ATP10B: variants seen among roughly 807,000 people sequenced by gnomAD.
ATP10B encodes the protein ATPase phospholipid transporting 10B (putative), also known as phospholipid-transporting ATPase VB.
ATP10B carries 122 observed loss-of-function variants against 141.2 expected under a neutral mutation model. The ratio of observed to expected loss-of-function variants is 0.86; its 90% CI spans 0.75 to 1.00. The LOEUF (loss-of-function observed/expected upper bound fraction) is 1.00. ATP10B is among the 50% of genes least tolerant of loss of function. ATP10B has a pLI of 0.00. For missense variants in ATP10B, 1,876 were observed against 1,825.3 expected, an observed-to-expected ratio of 1.03 and a Z score of -0.51; for synonymous variants, 685 against 692.0, an observed-to-expected ratio of 0.99 and a Z score of 0.16.
chr5:160,785,767 G>A lies in ATP10B; in HGVS notation c.-539C>T. ...CACTGTTGCTTTCATTGAAACAAAT[G>A]TCACCAGTCGGTTCTGATTCTCTTG... On this transcript the variant is annotated 5_prime_UTR_variant, in exon 2 of 26. Transcript: ENST00000327245. 9.9e-7 allele frequency: 1 copy of A among 1,012,576 alleles called. No individual in the cohort carries two copies. The highest frequency in any genetic ancestry group is 1.3e-6 in the Non-Finnish European group (1 of 767,468). The allele number at this position is 1,012,576 out of a possible 1,614,324, so 62.7% of individuals were successfully genotyped here.
At chr5:160,796,709 C>G (rs1055262969) in intron 1 of ATP10B, among the ~76,000 whole-genome samples, 1 of 152,142 alleles carries the variant, frequency 6.6e-6, no homozygotes, top group Non-Finnish European at 1.5e-5. Context: ...ACAACTGATT[C>G]CCTTCCCCTC....
chr5:160,776,066 A>G (rs1051787430), intron 2 of ATP10B, among the ~76,000 whole-genome samples: 8 of 152,198 alleles, frequency 5.3e-5, no homozygotes, highest in African/African-American at 1.9e-4. Flanking sequence ...TGTCAAGAGT[A>G]TTCAGGGACA....
intron 5 of ATP10B, 108 bp downstream of exon 5, chr5:160,687,692 G>A: frequency 1.6e-6 from 2 of 1,265,574 alleles, no homozygotes; most frequent in Non-Finnish European, 2.2e-6. Context: ...TTGAACCCAG[G>A]AGGTGAAGGT....
At chr5:160,596,774 G>A (rs564189360) in intron 22 of ATP10B, among the ~76,000 whole-genome samples, 1 of 152,262 alleles carries the variant, frequency 6.6e-6, no homozygotes, top group South Asian at 2.1e-4. Flanking sequence ...GCCAAATCGT[G>A]AATGAACTCC....
rs560324802 is a variant in ATP10B, at chr5:160,825,473, C to T, written c.-576+26468G>A. Reference sequence around the variant, plus strand: ...TGTGAGACATGCCTTTCACCTTCCACCAACATTGTGAGGCCTCCCCAGCAT... The same window carrying T: ...TGTGAGACATGCCTTTCACCTTCCATCAACATTGTGAGGCCTCCCCAGCAT... On this transcript the variant is annotated intron_variant, in intron 1 of 25. Coordinates refer to ENST00000327245, the MANE Select transcript of ATP10B (RefSeq NM_025153.3). Among the ~76,000 whole-genome samples, 5 of 152,312 alleles carry T rather than the reference C, an allele frequency of 3.3e-5. 1 individual carries two copies. The South Asian group carries it at 8.3e-4, about 25-fold the overall frequency.
chr5:160,882,093 G>T, the ATP10B span, among the ~76,000 whole-genome samples: 1 of 152,148 alleles, frequency 6.6e-6, no homozygotes, highest in East Asian at 1.9e-4. Context: ...CCATTGGAAG[G>T]GGGAGGAGGA....
intron 16 of ATP10B, among the ~76,000 whole-genome samples, chr5:160,617,022 G>A (rs1252994566): frequency 6.6e-6 from 1 of 152,188 alleles, no homozygotes; most frequent in Admixed American, 6.5e-5. Flanking sequence ...TAAAAGTAGT[G>A]AGATTGGGAC....
At chr5:160,880,190 TTATA>T in the ATP10B span, among the ~76,000 whole-genome samples, 4 of 141,410 alleles carry the variant, frequency 2.8e-5, no homozygotes, top group Non-Finnish European at 6.1e-5. Context: ...GTAAATATTT[TTATA>T]TATAGATTAT....
chr5:160,774,779 T>C (rs925785237), intron 2 of ATP10B, among the ~76,000 whole-genome samples: 2 of 152,240 alleles, frequency 1.3e-5, no homozygotes, highest in African/African-American at 4.8e-5. Flanking sequence ...CAGCTGCGTC[T>C]GGCTTTGTCT....
the ATP10B span, among the ~76,000 whole-genome samples, chr5:160,877,234 A>G: frequency 1.3e-5 from 2 of 151,788 alleles, no homozygotes; most frequent in Non-Finnish European, 2.9e-5. Context: ...TTCAATATAC[A>G]CAAATCAATA....
intron 1 of ATP10B, among the ~76,000 whole-genome samples, chr5:160,827,177 C>T (rs1290187779): frequency 6.6e-6 from 1 of 152,160 alleles, no homozygotes. Flanking sequence ...TGTGATGTCA[C>T]CCCCAGAGGC....
chr5:160,717,461 C>T (rs1302212611), intron 2 of ATP10B, among the ~76,000 whole-genome samples: 12 of 152,250 alleles, frequency 7.9e-5, no homozygotes, highest in African/African-American at 1.9e-4. Context: ...GTCTGAATCC[C>T]TGAGAACTGC....
intron 1 of ATP10B, among the ~76,000 whole-genome samples, chr5:160,827,176 A>C (rs1343528610): frequency 6.6e-6 from 1 of 152,108 alleles, no homozygotes; most frequent in African/African-American, 2.4e-5. Flanking sequence ...ATGTGATGTC[A>C]CCCCCAGAGG....
At chr5:160,595,447 C>A (rs1249952537) in intron 22 of ATP10B, among the ~76,000 whole-genome samples, 2 of 151,918 alleles carry the variant, frequency 1.3e-5, no homozygotes, top group Non-Finnish European at 2.9e-5. Context: ...CAGGAAAGAT[C>A]TAAAATTGAC....
chr5:160,774,041 G>A (rs762447805), intron 2 of ATP10B, among the ~76,000 whole-genome samples: 1 of 152,118 alleles, frequency 6.6e-6, no homozygotes, highest in African/African-American at 2.4e-5. Flanking sequence ...ACAGACTCCC[G>A]ATTTAGTGTT....
At chr5:160,805,558 C>T (rs56167867) in intron 1 of ATP10B, among the ~76,000 whole-genome samples, 18,947 of 152,118 alleles carry the variant, frequency 0.12, 1,245 homozygotes, top group African/African-American at 0.14. Context: ...AACTGGGTCA[C>T]GCTCACCTGG....
rs1187994213 is a variant in ATP10B, at chr5:160,755,867, ATATATATAT to A, written c.-331+29683_-331+29691del. On this transcript the variant is annotated intron_variant, in intron 2 of 25. Coordinates refer to ENST00000327245, the MANE Select transcript of ATP10B (RefSeq NM_025153.3). ...TATATATATATATATATATATATAT[ATATATATAT>A]ATTATAATTTTATGGAACCACTGTC... Among the ~76,000 whole-genome samples, 658 of 114,058 alleles carry A rather than the reference ATATATATAT, an allele frequency of 5.8e-3. 21 individuals carry two copies. The highest frequency in any genetic ancestry group is 0.025 in the African/African-American group (602 of 23,730). The allele number at this position is 114,058 out of a possible 152,430, so 74.8% of individuals were successfully genotyped here. A position where few individuals can be genotyped will look rare whatever the true frequency, so the allele number is the denominator to read the frequency against.
chr5:160,694,972 C>T (rs1035329269), intron 3 of ATP10B, among the ~76,000 whole-genome samples: 1 of 152,168 alleles, frequency 6.6e-6, no homozygotes, highest in Non-Finnish European at 1.5e-5. Flanking sequence ...ATATAATCAG[C>T]GTTCCAATGA....
chr5:160,817,663 G>A (rs1773751731), intron 1 of ATP10B, among the ~76,000 whole-genome samples: 1 of 152,078 alleles, frequency 6.6e-6, no homozygotes, highest in African/African-American at 2.4e-5. Flanking sequence ...AAGTTCATAT[G>A]GAACCAAAAA....
Sources: allele counts gnomAD v4.1 joint callset (sites outside exome capture counted in the v4.1 genomes callset), GRCh38; gene constraint gnomAD v4.1.1; transcripts MANE v1.5; gene names NCBI Gene and HGNC (gene_info 2026-07-23, HGNC 2026-07-21).